The following NPM1 variants were observed in gnomAD, a reference collection of about 807,000 sequenced individuals.
NPM1 encodes nucleophosmin.
In NPM1, 1 loss-of-function variant was observed where a neutral mutation model predicts 44.1. The observed-to-expected ratio is 0.02, with a 90% CI of 0.01 to 0.11. The LOEUF is 0.11. Among genes scored for constraint, NPM1 ranks in the 10% least tolerant of loss-of-function variants. The pLI, the probability that NPM1 is intolerant of heterozygous loss-of-function variation, is 1.00. For missense variants in NPM1, 197 were observed against 347.8 expected, an observed-to-expected ratio of 0.57 and a Z score of 3.45; for synonymous variants, 126 against 111.8, an observed-to-expected ratio of 1.13 and a Z score of -0.80.
intron 6 of NPM1, 59 bp downstream of exon 6, chr5:171,393,037 G>T: frequency 6.4e-7 from 1 of 1,560,248 alleles, no homozygotes. Context: ...AAAGGAATTT[G>T]ACATAGTTAT....
At chr5:171,390,546 C>T (rs191090887) in intron 2 of NPM1, among the ~76,000 whole-genome samples, 27 of 152,266 alleles carry the variant, frequency 1.8e-4, no homozygotes, top group African/African-American at 6.3e-4. Flanking sequence ...GCCAAGATCA[C>T]AAAACCTGAG....
intron 8 of NPM1, among the ~76,000 whole-genome samples, chr5:171,401,975 T>C (rs1488381772): frequency 6.6e-6 from 1 of 151,428 alleles, no homozygotes; most frequent in East Asian, 1.9e-4. Flanking sequence ...GAGATTGTCA[T>C]AAAAATGGTC....
intron 1 of NPM1, among the ~76,000 whole-genome samples, chr5:171,389,190 A>G (rs963491733): frequency 6.6e-6 from 1 of 151,788 alleles, no homozygotes; most frequent in African/African-American, 2.4e-5. Context: ...TCTTTGTACT[A>G]TTCAGACTTT....
Position 171,392,780 on chromosome 5 carries a change from G to A in NPM1, c.423G>A (p.Lys141=), listed in dbSNP as rs1770648318. 6.2e-7 allele frequency: 1 copy of A among 1,613,800 alleles called. No homozygotes were observed. The highest frequency in any genetic ancestry group is 8.5e-7 in the Non-Finnish European group (1 of 1,179,892). ...TGAAACTCTTAAGTATATCTGGAAA[G>A]CGGTCTGCCCCTGGAGGTGGTAGCA... is the stretch of plus-strand genomic sequence containing the variant. ...EDVKLLSISG[K]RSAPGGGSKV... The change falls in exon 5 of 11, where the codon AAG becomes AAA. Residue 141 remains lysine, a synonymous_variant. Transcript: ENST00000296930.
intron 8 of NPM1, among the ~76,000 whole-genome samples, chr5:171,401,835 T>C (rs902834865): frequency 1.3e-5 from 2 of 152,202 alleles, no homozygotes; most frequent in African/African-American, 4.8e-5. Context: ...GCATGTTAGC[T>C]TGAAGTAGAA....
At chr5:171,403,464 CTT>C (rs946719523) in intron 8 of NPM1, among the ~76,000 whole-genome samples, 1 of 119,802 alleles carries the variant, frequency 8.3e-6, no homozygotes, top group Non-Finnish European at 1.8e-5. Context: ...CCTTTCCTGC[CTT>C]TCTATTCCAC....
chr5:171,408,006 G>A (rs983321631), intron 10 of NPM1, among the ~76,000 whole-genome samples: 1 of 152,072 alleles, frequency 6.6e-6, no homozygotes, highest in Non-Finnish European at 1.5e-5. Context: ...CCTATAGTTG[G>A]TAAATTATTT....
intron 8 of NPM1, among the ~76,000 whole-genome samples, chr5:171,403,134 C>T (rs1159069685): frequency 9.4e-6 from 1 of 106,128 alleles, no homozygotes; most frequent in Non-Finnish European, 1.9e-5. Context: ...TCTGGTTTTC[C>T]TAGGCAGAGG....
At chr5:171,388,100 G>T in intron 1 of NPM1, 94 bp downstream of exon 1, 1 of 1,100,562 alleles carries the variant, frequency 9.1e-7, no homozygotes, top group South Asian at 1.3e-5. Flanking sequence ...AACCGGGTCT[G>T]GTGGAGACCG....
chr5:171,407,637 T>C, intron 9 of NPM1, 63 bp from the exon 10 acceptor site: 1 of 935,616 alleles, frequency 1.1e-6, no homozygotes, highest in Non-Finnish European at 1.7e-6. Flanking sequence ...TGAGGAATTT[T>C]CTAAAGGTAT....
At chr5:171,409,188 G>A (rs1771705767) in intron 10 of NPM1, among the ~76,000 whole-genome samples, 1 of 152,142 alleles carries the variant, frequency 6.6e-6, no homozygotes, top group African/African-American at 2.4e-5. Flanking sequence ...AATAGTAAAT[G>A]TTTAATAACT....
upstream of NPM1, chr5:171,387,258 C>T (rs952997292): frequency 6.6e-6 from 1 of 152,384 alleles, no homozygotes; most frequent in South Asian, 2.1e-4. Context: ...GTAACTACAT[C>T]TTTCCTTCCT....
Position 171,387,940 on chromosome 5 carries a change from C to G in NPM1, c.-9C>G. ...CCTTCTCTCCTACCTAAGTGCGTGC[C>G]GCCACCCGATGGAAGATTCGATGGA... On this transcript the variant is annotated 5_prime_UTR_variant, in exon 1 of 11. Coordinates refer to ENST00000296930, the MANE Select transcript of NPM1 (RefSeq NM_002520.7). 6.2e-7 allele frequency: 1 copy of G among 1,611,670 alleles called. No individual in the cohort carries two copies.
upstream of NPM1, chr5:171,387,768 G>A: frequency 1.6e-6 from 1 of 643,552 alleles, no homozygotes. Context: ...GGAGGGCTTC[G>A]GAGCACGCGC....
At chr5:171,395,328 T>A (rs1770825980) in intron 6 of NPM1, among the ~76,000 whole-genome samples, 1 of 151,754 alleles carries the variant, frequency 6.6e-6, no homozygotes, top group Admixed American at 6.6e-5. Context: ...TCGGCAAGTC[T>A]CGCTCTTGTG....
In NPM1 at chr5:171,394,041, CTTTTTTTTTTTTT is replaced by C. The variant is rs144186175; in HGVS notation, c.524+1072_524+1084del. 1.2e-4 allele frequency among the ~76,000 whole-genome samples: 12 copies of C among 97,074 alleles called. No homozygotes were observed. The South Asian group carries it at 4.6e-3, about 37-fold the overall frequency. The allele number at this position is 97,074 out of a possible 152,430, so 63.7% of individuals were successfully genotyped here. ...ATTTGACTGTTGCTGTTTTTGTTTT[CTTTTTTTTTTTTT>C]TTTTTTTTGAGATGGAGTCTCCAGT... On this transcript the variant is annotated intron_variant, in intron 6 of 10. Coordinates refer to ENST00000296930, the MANE Select transcript of NPM1 (RefSeq NM_002520.7).
At chr5:171,410,405 G>A in intron 10 of NPM1, 122 bp from the exon 11 acceptor site, 3 of 548,662 alleles carry the variant, frequency 5.5e-6, no homozygotes, top group Non-Finnish European at 9.5e-6. Context: ...TCTTTATCTA[G>A]AGTTAACTCT....
At chr5:171,387,510 TGC>T, upstream of NPM1, 1 of 209,822 alleles carries the variant, frequency 4.8e-6, no homozygotes, top group Non-Finnish European at 9.7e-6. Flanking sequence ...CAGGGTGGGC[TGC>T]GCAGACTCTT....
rs1239686401 is a variant in NPM1 at position 171,400,164 on chromosome 5, A to G, written c.536A>G (p.Asp179Gly). The G allele has an allele frequency of 6.4e-7, 1 of 1,567,474 alleles. No homozygotes were observed. The highest frequency in any genetic ancestry group is 8.8e-7 in the Non-Finnish European group (1 of 1,137,972). The change falls in exon 7 of 11, where the codon GAT (aspartate) becomes GGT (glycine). Residue 179 changes from aspartate (D) to glycine (G), a missense_variant. Asp to Gly is a moderately conservative substitution (Grantham distance 94). Transcript: ENST00000296930. ...CATTTCATTTGTAGTGATGATGATGATGATTTTGATGATGAGGAAGCTGAA... is the reference window on the plus strand; with the variant it reads ...CATTTCATTTGTAGTGATGATGATGGTGATTTTGATGATGAGGAAGCTGAA... ...EEDDDEDDDD[D>G]DFDDEEAEEK... is the part of the protein sequence containing the mutation.
Sources: allele counts gnomAD v4.1 joint callset (sites outside exome capture counted in the v4.1 genomes callset), GRCh38; gene constraint gnomAD v4.1.1; transcripts MANE v1.5; gene names NCBI Gene and HGNC (gene_info 2026-07-23, HGNC 2026-07-21).